The following PKM variants were observed in gnomAD, a reference collection of about 807,000 sequenced individuals.
PKM encodes the protein pyruvate kinase M1/2, also known as pyruvate kinase PKM.
In PKM, 18 loss-of-function variants were observed where a neutral mutation model predicts 49.8. The observed-to-expected ratio is 0.36, with a 90% CI of 0.25 to 0.54. PKM has a LOEUF of 0.54. Ranked by LOEUF, PKM falls within the 20% of genes least tolerant of loss-of-function variation. PKM has a pLI of 0.89. For synonymous variants in PKM, 239 were observed against 261.8 expected, an observed-to-expected ratio of 0.91 and a Z score of 0.84; for missense variants, 508 against 713.8, an observed-to-expected ratio of 0.71 and a Z score of 3.28.
Position 72,209,714 on chromosome 15 carries a change from T to G in PKM, c.524A>C (p.Tyr175Ser). ...CKVVEVGSKI[Y>S]VDDGLISLQV... ...GAGAGAAATAAGCCCATCATCCACG[T>G]AGATCTTGCTGCCCACTTCCACCAC... is the stretch of plus-strand genomic sequence containing the variant. Residue 175 changes from tyrosine (Y) to serine (S), a missense_variant, in exon 5 of 11, where the codon TAC (tyrosine) becomes TCC (serine). Coordinates refer to ENST00000335181, the MANE Select transcript of PKM (RefSeq NM_002654.6). The G allele has an allele frequency of 6.2e-7, 1 of 1,613,996 alleles. No homozygotes were observed. The highest frequency in any genetic ancestry group is 8.5e-7 in the Non-Finnish European group (1 of 1,179,988).
At chr15:72,201,883 GGAA>G (rs1467729185) in intron 9 of PKM, 2 of 171,258 alleles carry the variant, frequency 1.2e-5, no homozygotes, top group African/African-American at 4.8e-5. Context: ...CCTGGGCCAA[GGAA>G]GGGATCCCAA....
rs1339689460 is a variant in PKM at position 72,207,288 on chromosome 15, A to C, written c.837-11T>G. On this transcript the variant is annotated splice_polypyrimidine_tract_variant and intron_variant, in intron 6 of 10. Transcript: ENST00000335181. Reference sequence around the variant, plus strand: ...AGGATTTCATCAAACCTGATGGACAAAGTTGGGGGGAGAGAGGTTATATAG... The same window carrying C: ...AGGATTTCATCAAACCTGATGGACACAGTTGGGGGGAGAGAGGTTATATAG... The C allele has an allele frequency of 6.2e-7, 1 of 1,613,702 alleles. No homozygotes were observed. The highest frequency in any genetic ancestry group is 1.3e-5 in the African/African-American group (1 of 74,924).
intron 1 of PKM, among the ~76,000 whole-genome samples, chr15:72,230,645 C>G (rs2140840888): frequency 6.6e-6 from 1 of 152,146 alleles, no homozygotes; most frequent in Non-Finnish European, 1.5e-5. Flanking sequence ...ATGAGTTACA[C>G]AGAAAGCATT....
intron 1 of PKM, chr15:72,229,722 C>T: frequency 2.5e-6 from 3 of 1,193,608 alleles, no homozygotes; most frequent in African/African-American, 1.5e-5. Context: ...ATTGTGAGCT[C>T]GGTGGGCTAT....
At chr15:72,216,162 G>A (rs759677113) in intron 3 of PKM, among the ~76,000 whole-genome samples, 3 of 152,212 alleles carry the variant, frequency 2.0e-5, no homozygotes, top group Non-Finnish European at 4.4e-5. Context: ...CCAAATGCCA[G>A]AGGGCAACCT....
intron 3 of PKM, among the ~76,000 whole-genome samples, chr15:72,211,779 G>A (rs1433026389): frequency 1.3e-5 from 2 of 150,638 alleles, no homozygotes; most frequent in South Asian, 2.1e-4. Context: ...ACTGCACTCC[G>A]GCCTGGATAA....
chr15:72,199,253 T>C lies in PKM; in HGVS notation c.*397A>G. Reference sequence around the variant, plus strand: ...TCAATGGAACAACAGCCCAGTGCCCTAAGGCCCCTAACTCTTGCTGGCTGT... The same window carrying C: ...TCAATGGAACAACAGCCCAGTGCCCCAAGGCCCCTAACTCTTGCTGGCTGT... On this transcript the variant is annotated 3_prime_UTR_variant, in exon 11 of 11. Coordinates refer to ENST00000335181, the MANE Select transcript of PKM (RefSeq NM_002654.6). 1 of 375,316 alleles carries C rather than the reference T, an allele frequency of 2.7e-6. No individual in the cohort carries two copies. The highest frequency in any genetic ancestry group is 5.2e-6 in the Non-Finnish European group (1 of 192,170). 23.2% of individuals were successfully genotyped at this position (375,316 alleles called of 1,614,324 possible). A position where few individuals can be genotyped will look rare whatever the true frequency, so the allele number is the denominator to read the frequency against.
intron 1 of PKM, among the ~76,000 whole-genome samples, chr15:72,226,628 T>C (rs1596807334): frequency 6.6e-6 from 1 of 152,224 alleles, no homozygotes; most frequent in East Asian, 1.9e-4. Context: ...CTTCAGAGAA[T>C]CTTGACTGCA....
intron 2 of PKM, 81 bp downstream of exon 2, chr15:72,218,863 G>T: frequency 7.0e-7 from 1 of 1,430,816 alleles, no homozygotes; most frequent in Non-Finnish European, 9.8e-7. Flanking sequence ...AGGTTTGTTA[G>T]GACATTTAGT....
upstream of PKM, chr15:72,231,583 A>G (rs1426915616): frequency 6.6e-6 from 1 of 152,334 alleles, no homozygotes; most frequent in East Asian, 1.9e-4. Flanking sequence ...AGGCCACCCC[A>G]GCTGTCCCGG....
chr15:72,201,736 C>G (rs919387134), intron 9 of PKM: 1 of 153,936 alleles, frequency 6.5e-6, no homozygotes, highest in South Asian at 2.0e-4. Context: ...CTCTGGGCTG[C>G]CCACGCCCAT....
chr15:72,223,975 T>C (rs2082595530), intron 1 of PKM, among the ~76,000 whole-genome samples: 2 of 151,822 alleles, frequency 1.3e-5, no homozygotes, highest in Non-Finnish European at 2.9e-5. Flanking sequence ...AGTAAATGAC[T>C]TGTCAACAGG....
At chr15:72,212,196 G>T (rs2082270532) in intron 3 of PKM, among the ~76,000 whole-genome samples, 1 of 152,172 alleles carries the variant, frequency 6.6e-6, no homozygotes, top group South Asian at 2.1e-4. Context: ...TAGAATAGAG[G>T]CTGGGCGCGG....
rs1228361369 is a variant in PKM at position 72,202,849 on chromosome 15, C to A, written c.1141-229G>T. On this transcript the variant is annotated intron_variant, in intron 8 of 10. Coordinates refer to ENST00000335181, the MANE Select transcript of PKM (RefSeq NM_002654.6). This position sits in a 1 kb window ranked among gnomAD's most constrained non-coding sequence, Gnocchi z 4.5. The stretch of plus-strand genomic sequence containing the variant: ...GTGCCTGTGACATCTACTGTGCCTA[C>A]TGAGCCACAGGACCCTTTGGTCCTG... The A allele has an allele frequency of 1.3e-6, 1 of 749,984 alleles. No homozygotes were observed. Among genetic ancestry groups the A allele is most frequent in the Admixed American group, 2.1e-5 (1 of 48,232 alleles). The allele number at this position is 749,984 out of a possible 1,614,324, so 46.5% of individuals were successfully genotyped here. A position where few individuals can be genotyped will look rare whatever the true frequency, so the allele number is the denominator to read the frequency against.
chr15:72,200,496 C>T lies in PKM; in HGVS notation c.1467G>A (p.Arg489=). ...TACCAACATTCATGGCAAAGTTCAC[C>T]CGGAGGTCCACGTCCTCAGCCCAGG... ...QEAWAEDVDL[R]VNFAMNVGKA... The change falls in exon 10 of 11, where the codon CGG becomes CGA. Residue 489 remains arginine, a synonymous_variant. Transcript: ENST00000335181. This position sits in a 1 kb window ranked among gnomAD's most constrained non-coding sequence, Gnocchi z 4.6. 3 of 1,613,602 alleles carry T rather than the reference C, an allele frequency of 1.9e-6. No homozygotes were observed. The highest frequency in any genetic ancestry group is 2.5e-6 in the Non-Finnish European group (3 of 1,179,846).
intron 2 of PKM, 25 bp downstream of exon 2, chr15:72,218,919 T>G (rs2082445534): frequency 6.2e-7 from 1 of 1,613,710 alleles, no homozygotes; most frequent in African/African-American, 1.3e-5. Flanking sequence ...AGCCCTTTTT[T>G]GGGGGAAGGG....
intron 1 of PKM, among the ~76,000 whole-genome samples, chr15:72,221,994 A>T (rs2082538687): frequency 2.6e-5 from 4 of 151,900 alleles, no homozygotes; most frequent in African/African-American, 7.3e-5. Context: ...GCCCAAATCC[A>T]GCAAACTAGT....
chr15:72,203,250 CA>C, intron 8 of PKM: 1 of 1,399,326 alleles, frequency 7.1e-7, no homozygotes, highest in South Asian at 1.2e-5. Context: ...AAACGAGACA[CA>C]ACACATGGGA....
At chr15:72,208,600 G>A (rs1250253465) in intron 6 of PKM, 21 bp downstream of exon 6, 32 of 1,613,582 alleles carry the variant, frequency 2.0e-5, no homozygotes, top group Admixed American at 8.3e-5. Flanking sequence ...TGGGACTGGA[G>A]CAGGGACAAC....
Sources: gnomAD v4.1 joint callset for allele counts (sites outside exome capture counted in the v4.1 genomes callset) on GRCh38, gnomAD v4.1.1 for gene constraint, Gnocchi (gnomAD v3.1) non-coding constraint, MANE v1.5 for transcripts, NCBI Gene and HGNC (gene_info 2026-07-23, HGNC 2026-07-21) for gene names.